The following NUP214 variants were observed in gnomAD, a reference collection of about 807,000 sequenced individuals.
NUP214 encodes the protein nuclear pore complex protein Nup214.
In NUP214, 79 loss-of-function variants were observed where a neutral mutation model predicts 196.2. That is an observed-to-expected ratio of 0.40 (90% CI 0.34 to 0.49). The LOEUF is 0.49. Among genes scored for constraint, NUP214 ranks in the 20% least tolerant of loss-of-function variants. NUP214 has a pLI of 0.58. For missense variants in NUP214, 2,468 were observed against 2,539.0 expected (o/e 0.97, Z 0.60); for synonymous variants, 1,020 against 990.5 (o/e 1.03, Z -0.56).
At chr9:131,163,806 A>AC (rs1401527238) in intron 19 of NUP214, 64 bp from the exon 20 acceptor site, 2 of 1,155,954 alleles carry the variant, frequency 1.7e-6, no homozygotes, top group East Asian at 4.7e-5. Flanking sequence ...AGGATAGTGT[A>AC]CCCCCGACAG....
Position 131,175,556 on chromosome 9 carries a change from C to A in NUP214, c.3254C>A (p.Pro1085His). The A allele has an allele frequency of 1.9e-6, 3 of 1,614,208 alleles. No individual in the cohort carries two copies. Among genetic ancestry groups the A allele is most frequent in the Non-Finnish European group, 2.5e-6 (3 of 1,180,026 alleles). Residue 1085 changes from proline (P) to histidine (H), a missense_variant, in exon 23 of 36, where the codon CCC becomes CAC. Pro to His is a moderately conservative substitution (Grantham distance 77). Coordinates refer to ENST00000359428, the MANE Select transcript of NUP214 (RefSeq NM_005085.4). ...VKHGAPSPSH[P>H]ISAPQAAAAA... ...CATGGTGCACCTAGTCCTTCCCACCCCATCTCAGCCCCGCAGGCAGCTGCC... is the reference window on the plus strand; with the variant it reads ...CATGGTGCACCTAGTCCTTCCCACCACATCTCAGCCCCGCAGGCAGCTGCC...
intron 11 of NUP214, among the ~76,000 whole-genome samples, chr9:131,143,577 A>G (rs980814847): frequency 1.3e-5 from 2 of 152,028 alleles, no homozygotes; most frequent in African/African-American, 4.8e-5. Context: ...TTAAAAATGT[A>G]CCTTGTTTAT....
intron 17 of NUP214, among the ~76,000 whole-genome samples, chr9:131,158,277 C>T (rs1246572555): frequency 1.3e-5 from 2 of 152,188 alleles, no homozygotes; most frequent in African/African-American, 4.8e-5. Flanking sequence ...CGGGATTTCA[C>T]CATGTTAGCC....
chr9:131,156,325 G>A (rs1352197743), intron 17 of NUP214, among the ~76,000 whole-genome samples: 4 of 151,772 alleles, frequency 2.6e-5, no homozygotes, highest in African/African-American at 9.7e-5. Flanking sequence ...GTAGAGACGG[G>A]GTTTCACTGT....
At chr9:131,227,235 AG>A (rs1327290009) in intron 32 of NUP214, among the ~76,000 whole-genome samples, 1 of 152,242 alleles carries the variant, frequency 6.6e-6, no homozygotes, top group Non-Finnish European at 1.5e-5. Flanking sequence ...ACCAGCAATC[AG>A]AGTAGGGTGC....
In NUP214 at chr9:131,197,447, G is replaced by C; in HGVS notation, c.3953G>C (p.Gly1318Ala). Residue 1318 changes from glycine (G) to alanine (A), a missense_variant, in exon 29 of 36, where the codon GGA becomes GCA. Coordinates refer to ENST00000359428, the MANE Select transcript of NUP214 (RefSeq NM_005085.4). ...CTGGAAACCCCACCGTCCAAGCTGG[G>C]AGAGCTTCTGTTTCCAAGTTCTTTG... The part of the protein sequence containing the change: ...SKLETPPSKL[G>A]ELLFPSSLAG... 1 of 1,614,160 alleles carries C rather than the reference G, an allele frequency of 6.2e-7. No homozygotes were observed. Among genetic ancestry groups the C allele is most frequent in the Non-Finnish European group, 8.5e-7 (1 of 1,180,032 alleles).
At chr9:131,184,657 G>A (rs944931412) in intron 24 of NUP214, among the ~76,000 whole-genome samples, 1 of 152,068 alleles carries the variant, frequency 6.6e-6, no homozygotes, top group Non-Finnish European at 1.5e-5. Context: ...ATTTAATGTG[G>A]ATTTTTTCAA....
chr9:131,135,873 C>G, intron 8 of NUP214, 67 bp from the exon 9 acceptor site: 1 of 1,296,758 alleles, frequency 7.7e-7, no homozygotes. Context: ...GTGTTACCTG[C>G]AGACCCAGGT....
chr9:131,229,785 G>A (rs749576339), intron 33 of NUP214: 6 of 518,264 alleles, frequency 1.2e-5, no homozygotes, highest in Admixed American at 9.7e-5. Flanking sequence ...AGATCCCTTG[G>A]CCACCTTTGT....
intron 23 of NUP214, among the ~76,000 whole-genome samples, chr9:131,177,059 G>T (rs1431433981): frequency 2.6e-5 from 4 of 152,122 alleles, no homozygotes. Context: ...TTTTAGCTGA[G>T]TAAAATTATT....
At chr9:131,136,118 G>A in intron 9 of NUP214, 112 bp downstream of exon 9, 2 of 809,658 alleles carry the variant, frequency 2.5e-6, no homozygotes, top group Non-Finnish European at 3.9e-6. Context: ...TCAGCTTACT[G>A]CAACCTCTGC....
chr9:131,170,871 C>A (rs999251802), intron 21 of NUP214, among the ~76,000 whole-genome samples: 1 of 151,890 alleles, frequency 6.6e-6, no homozygotes, highest in African/African-American at 2.4e-5. Flanking sequence ...GTAAAAGTGT[C>A]GTGTAGCTCT....
intron 24 of NUP214, among the ~76,000 whole-genome samples, chr9:131,183,376 C>T (rs559198998): frequency 1.3e-5 from 2 of 152,286 alleles, no homozygotes; most frequent in Non-Finnish European, 2.9e-5. Context: ...TGAGCCACCG[C>T]GCCCGGCTGA....
chr9:131,193,624 C>CTTTTTTTTTTTTTTTT (rs1564202971), intron 27 of NUP214, among the ~76,000 whole-genome samples: 1 of 17,666 alleles, frequency 5.7e-5, no homozygotes, highest in East Asian at 1.1e-3. Flanking sequence ...ATTCTTCTTC[C>CTTTTTTTTTTTTTTTT]TTTTCTTTTT....
At chr9:131,228,085 T>C in intron 32 of NUP214, 75 bp from the exon 33 acceptor site, 2 of 1,377,598 alleles carry the variant, frequency 1.5e-6, no homozygotes, top group Non-Finnish European at 9.6e-7. Flanking sequence ...TGGTTTCTCA[T>C]TGCTCAATGT....
At chr9:131,161,374 C>T (rs1396812584) in intron 18 of NUP214, among the ~76,000 whole-genome samples, 1 of 151,900 alleles carries the variant, frequency 6.6e-6, no homozygotes, top group African/African-American at 2.4e-5. Context: ...TCTCCTGCCT[C>T]AGCCTCCTTG....
chr9:131,129,239 TTTG>T (rs745578920), intron 3 of NUP214, 37 bp from the exon 4 acceptor site: 2 of 1,525,726 alleles, frequency 1.3e-6, no homozygotes, highest in African/African-American at 2.7e-5. Context: ...GCATTTACTA[TTTG>T]TTAACTTATT....
intron 31 of NUP214, among the ~76,000 whole-genome samples, chr9:131,217,765 G>C (rs1834443763): frequency 6.6e-6 from 1 of 152,230 alleles, no homozygotes; most frequent in Non-Finnish European, 1.5e-5. Context: ...TTTGTTAAAA[G>C]TTAAATGTGT....
At chr9:131,140,509 A>G (rs760750499) in intron 10 of NUP214, 40 bp from the exon 11 acceptor site, 11 of 1,575,738 alleles carry the variant, frequency 7.0e-6, no homozygotes, top group Non-Finnish European at 9.5e-6. Context: ...AGGCCCTTAA[A>G]TTCACTTGGT....
Sources: allele counts gnomAD v4.1 joint callset (sites outside exome capture counted in the v4.1 genomes callset), GRCh38; gene constraint gnomAD v4.1.1; transcripts MANE v1.5; gene names NCBI Gene and HGNC (gene_info 2026-07-23, HGNC 2026-07-21).